LCOR: variants seen among roughly 807,000 people sequenced by gnomAD.
LCOR encodes the protein ligand dependent nuclear receptor corepressor.
A neutral mutation model predicts 64.4 loss-of-function variants in LCOR; 14 were observed. That is an observed-to-expected ratio of 0.22 (90% CI 0.14 to 0.34). The LOEUF (loss-of-function observed/expected upper bound fraction) is 0.34. Ranked by LOEUF, LCOR falls within the 10% of genes least tolerant of loss-of-function variation. The pLI is 1.00. For missense variants in LCOR, 1,686 were observed against 1,765.3 expected (o/e 0.96, Z 0.80); for synonymous variants, 643 against 642.5 (o/e 1.00, Z -0.01).
At chr10:96,882,625 G>A (rs937398535) in intron 2 of LCOR, among the ~76,000 whole-genome samples, 27 of 152,094 alleles carry the variant, frequency 1.8e-4, no homozygotes, top group African/African-American at 6.5e-4. Flanking sequence ...TTTATATTAG[G>A]TTTCACTATT....
chr10:96,897,841 T>C (rs986156650), intron 2 of LCOR, among the ~76,000 whole-genome samples: 4 of 151,910 alleles, frequency 2.6e-5, no homozygotes, highest in African/African-American at 4.8e-5. Flanking sequence ...ACAGAGAACT[T>C]AGTTGAGCTG....
rs1159535595 is a variant in LCOR at position 96,984,898 on chromosome 10, A to G, written c.4438A>G (p.Lys1480Glu). ...CAGGAAAGAAAAAGAGAATACAAAC[A>G]AAAGGCCTTCCCAGTCTATTGCCTC... ...PSRKEKENTN[K>E]RPSQSIASET... The change falls in exon 8 of 8, where the codon AAA becomes GAA. Residue 1480 changes from lysine to glutamate, a missense_variant. By Grantham distance (56) the Lys-to-Glu change is moderately conservative. Transcript: ENST00000421806. The G allele has an allele frequency of 6.2e-7, 1 of 1,613,684 alleles. No individual in the cohort carries two copies. The highest frequency in any genetic ancestry group is 8.5e-7 in the Non-Finnish European group (1 of 1,179,984).
chr10:96,969,545 A>T (rs1053983430), intron 7 of LCOR, among the ~76,000 whole-genome samples: 1 of 152,096 alleles, frequency 6.6e-6, no homozygotes, highest in South Asian at 2.1e-4. Flanking sequence ...TGCTTTGTAG[A>T]CTTCTTTTTG....
chr10:96,982,540 G>A lies in LCOR; in HGVS notation c.2080G>A (p.Glu694Lys). The A allele has an allele frequency of 1.9e-6, 3 of 1,614,152 alleles. No individual in the cohort carries two copies. The highest frequency in any genetic ancestry group is 1.3e-5 in the African/African-American group (1 of 75,050). ...CATTTCTAGGCCTCATTCTCCTCCT[G>A]AAATAGTCAGTAGAGAAGAAAGTCC... ...DVISRPHSPPEIVSREESPQC... is the reference protein window; with the variant it reads ...DVISRPHSPPKIVSREESPQC... The change falls in exon 8 of 8, where the codon GAA (glutamate) becomes AAA (lysine). Residue 694 changes from glutamate (E) to lysine (K), a missense_variant. Physicochemically the swap from Glu to Lys is moderately conservative, Grantham distance 56. Coordinates refer to ENST00000421806, the MANE Select transcript of LCOR (RefSeq NM_001346516.2).
intron 4 of LCOR, among the ~76,000 whole-genome samples, chr10:96,939,255 G>T (rs1216604433): frequency 2.0e-5 from 3 of 152,178 alleles, no homozygotes; most frequent in Non-Finnish European, 4.4e-5. Flanking sequence ...TTGGGGGAAA[G>T]AATTGTTTTT....
At chr10:96,861,310 A>T (rs115000350) in intron 2 of LCOR, among the ~76,000 whole-genome samples, 6 of 152,180 alleles carry the variant, frequency 3.9e-5, no homozygotes, top group Admixed American at 2.6e-4. Flanking sequence ...AGAAAATGTC[A>T]TAAGTTCGTA....
rs1554837188 is a variant in LCOR at position 96,920,434 on chromosome 10, G to GTATATGTGTATATATATTCA, written c.-184+12692_-184+12693insGTGTATATATATTCATATAT. ...TATGTATATATATTCATATATATGT[G>GTATATGTGTATATATATTCA]TATATATGTGTATATATATGTATAT... On this transcript the variant is annotated intron_variant, in intron 4 of 7. Transcript: ENST00000421806. Among the ~76,000 whole-genome samples, 16 of 124,002 alleles carry GTATATGTGTATATATATTCA rather than the reference G, an allele frequency of 1.3e-4. 1 individual carries two copies. The highest frequency in any genetic ancestry group is 3.1e-4 in the Admixed American group (4 of 12,822). The allele number at this position is 124,002 out of a possible 152,430, so 81.4% of individuals were successfully genotyped here.
intron 2 of LCOR, among the ~76,000 whole-genome samples, chr10:96,841,854 C>G (rs1405921913): frequency 6.6e-6 from 1 of 151,778 alleles, no homozygotes; most frequent in South Asian, 2.1e-4. Flanking sequence ...CCCACCTCAA[C>G]GTCCCAAAGT....
At chr10:96,847,828 A>G (rs572122465) in intron 2 of LCOR, among the ~76,000 whole-genome samples, 1 of 152,324 alleles carries the variant, frequency 6.6e-6, no homozygotes, top group South Asian at 2.1e-4. Flanking sequence ...ATTAATGGAG[A>G]AGAGTGTTCT....
intron 4 of LCOR, among the ~76,000 whole-genome samples, chr10:96,920,864 C>T (rs536009612): frequency 6.6e-6 from 1 of 151,714 alleles, no homozygotes; most frequent in Non-Finnish European, 1.5e-5. Flanking sequence ...ATGGTGCAAA[C>T]ACTGCTTGCT....
chr10:96,903,206 A>G (rs1201480855), intron 2 of LCOR, among the ~76,000 whole-genome samples: 1 of 152,206 alleles, frequency 6.6e-6, no homozygotes, highest in Non-Finnish European at 1.5e-5. Flanking sequence ...AAGAAGGCCT[A>G]GAATGTTGCT....
chr10:96,920,738 G>A, intron 4 of LCOR, among the ~76,000 whole-genome samples: 1 of 126,878 alleles, frequency 7.9e-6, no homozygotes, highest in Non-Finnish European at 1.6e-5. Context: ...TCATATATAT[G>A]TGTATATATG....
At chr10:96,909,832 G>C (rs898412363) in intron 4 of LCOR, among the ~76,000 whole-genome samples, 4 of 152,070 alleles carry the variant, frequency 2.6e-5, no homozygotes, top group African/African-American at 9.7e-5. Context: ...ACATTGTTTT[G>C]AGTTAAACTT....
At chr10:96,867,988 G>A (rs1398513665) in intron 2 of LCOR, among the ~76,000 whole-genome samples, 3 of 151,806 alleles carry the variant, frequency 2.0e-5, no homozygotes, top group Admixed American at 1.3e-4. Flanking sequence ...GGGTTCAGGC[G>A]GTTCTCCTGC....
chr10:96,956,240 TG>T, intron 7 of LCOR: 3 of 1,028,846 alleles, frequency 2.9e-6, no homozygotes, highest in Non-Finnish European at 3.5e-6. Context: ...TGTTTTTTTT[TG>T]TTGTTGTTGT....
rs972204793 is a variant in LCOR, at chr10:96,956,184, G to C, written c.332+3988G>C. 3.3e-6 allele frequency: 4 copies of C among 1,209,752 alleles called. No homozygotes were observed. The African/African-American group carries it at 4.7e-5, about 14-fold the overall frequency. The allele number at this position is 1,209,752 out of a possible 1,614,324, so 74.9% of individuals were successfully genotyped here. On this transcript the variant is annotated intron_variant, in intron 7 of 7. Coordinates refer to ENST00000421806, the MANE Select transcript of LCOR (RefSeq NM_001346516.2). ...GAATTGAGTTACCTCACAGAGAACA[G>C]ATACATGGAAGTGGACTCCTTGCCT...
intron 5 of LCOR, 33 bp downstream of exon 5, chr10:96,944,278 GCTTGT>G (rs1847549460): frequency 1.0e-6 from 1 of 967,436 alleles, no homozygotes; most frequent in Admixed American, 6.2e-5. Context: ...TTTAGCATCT[GCTTGT>G]CTTGTATTAT....
At chr10:96,974,677 A>G (rs1248240685) in intron 7 of LCOR, among the ~76,000 whole-genome samples, 2 of 152,222 alleles carry the variant, frequency 1.3e-5, no homozygotes, top group Admixed American at 6.5e-5. Flanking sequence ...TGCAAGTGCT[A>G]TATTTAGGGT....
chr10:96,854,419 TG>T (rs1444337946), intron 2 of LCOR, among the ~76,000 whole-genome samples: 1 of 151,998 alleles, frequency 6.6e-6, no homozygotes, highest in Non-Finnish European at 1.5e-5. Flanking sequence ...CTCCGCCTCC[TG>T]GGTTCAAGTG....
Sources: gnomAD v4.1 joint callset for allele counts (sites outside exome capture counted in the v4.1 genomes callset) on GRCh38, gnomAD v4.1.1 for gene constraint, MANE v1.5 for transcripts, NCBI Gene and HGNC (gene_info 2026-07-23, HGNC 2026-07-21) for gene names.